The following DOCK2 variants were observed in gnomAD, a reference collection of about 807,000 sequenced individuals.
DOCK2 encodes dedicator of cytokinesis 2, also known as dedicator of cytokinesis protein 2.
DOCK2 carries 87 observed loss-of-function variants against 248.9 expected under a neutral mutation model. The observed-to-expected ratio is 0.35, with a 90% CI of 0.29 to 0.42. The LOEUF (loss-of-function observed/expected upper bound fraction) is 0.42, where lower values mean the gene tolerates loss of function less well. Among genes scored for constraint, DOCK2 ranks in the 10% least tolerant of loss-of-function variants. DOCK2 has a pLI of 1.00. For synonymous variants in DOCK2, 805 were observed against 821.6 expected, an observed-to-expected ratio of 0.98 and a Z score of 0.35; for missense variants, 1,747 against 2,300.2, an observed-to-expected ratio of 0.76 and a Z score of 4.92.
intron 27 of DOCK2, among the ~76,000 whole-genome samples, chr5:169,875,042 T>C (rs1772232299): frequency 6.6e-6 from 1 of 152,054 alleles, no homozygotes; most frequent in South Asian, 2.1e-4. Flanking sequence ...AGCAGAAAGG[T>C]AATTCATCTT....
chr5:170,076,196 G>C (rs1757833621), intron 47 of DOCK2, 112 bp downstream of exon 47: 1 of 1,442,636 alleles, frequency 6.9e-7, no homozygotes, highest in Non-Finnish European at 9.3e-7. Flanking sequence ...CTTCCAAAGA[G>C]AAGATAATGA....
intron 46 of DOCK2, among the ~76,000 whole-genome samples, chr5:170,071,979 G>A (rs939297663): frequency 7.9e-5 from 12 of 152,162 alleles, no homozygotes; most frequent in Admixed American, 5.9e-4. Context: ...ATAGTAGTCC[G>A]TACAGCTGGC....
At chr5:169,678,534 AT>A (rs1297568719) in intron 6 of DOCK2, among the ~76,000 whole-genome samples, 1 of 152,128 alleles carries the variant, frequency 6.6e-6, no homozygotes, top group Non-Finnish European at 1.5e-5. Context: ...AAGTGCTGGG[AT>A]TACAGTCATA....
intron 38 of DOCK2, among the ~76,000 whole-genome samples, chr5:170,043,752 T>C (rs1756598512): frequency 6.6e-6 from 1 of 152,210 alleles, no homozygotes; most frequent in Admixed American, 6.5e-5. Flanking sequence ...TACTATTTGT[T>C]TATCAGCTGA....
intron 32 of DOCK2, among the ~76,000 whole-genome samples, chr5:170,013,961 G>A (rs1399900995): frequency 6.6e-6 from 1 of 152,098 alleles, no homozygotes; most frequent in Admixed American, 6.5e-5. Flanking sequence ...GGAAATAGCT[G>A]TAGAATGGAA....
rs147466867 is a variant in DOCK2 at position 170,018,719 on chromosome 5, C to T, written c.3233-241C>T. Reference sequence around the variant, plus strand: ...TGTAAACAGTGAAGTGCTTTCTACACGCACGCCCGTGTTATTAGCCTTAAT... The same window carrying T: ...TGTAAACAGTGAAGTGCTTTCTACATGCACGCCCGTGTTATTAGCCTTAAT... On this transcript the variant is annotated intron_variant, in intron 32 of 51. Coordinates refer to ENST00000520908, the MANE Select transcript of DOCK2 (RefSeq NM_004946.3). Among the ~76,000 whole-genome samples, 291 of 152,286 alleles carry T rather than the reference C, an allele frequency of 1.9e-3. 4 individuals carry two copies. Among genetic ancestry groups the T allele is most frequent in the African/African-American group, 6.7e-3 (277 of 41,558 alleles).
chr5:169,824,374 A>G (rs981732150), intron 26 of DOCK2, among the ~76,000 whole-genome samples: 1 of 152,204 alleles, frequency 6.6e-6, no homozygotes, highest in Non-Finnish European at 1.5e-5. Context: ...TTCAAACTAT[A>G]CTACAAGGCT....
intron 26 of DOCK2, among the ~76,000 whole-genome samples, chr5:169,818,394 A>T (rs940471325): frequency 6.6e-6 from 1 of 152,218 alleles, no homozygotes; most frequent in Admixed American, 6.5e-5. Context: ...GATTGAGTTA[A>T]ATTCTAGTTG....
intron 44 of DOCK2, among the ~76,000 whole-genome samples, chr5:170,067,168 A>G (rs1757521184): frequency 6.6e-6 from 1 of 152,188 alleles, no homozygotes; most frequent in Non-Finnish European, 1.5e-5. Flanking sequence ...TAACTCACAC[A>G]TAGTATCTGC....
At chr5:170,054,141 T>C (rs777508517) in intron 41 of DOCK2, among the ~76,000 whole-genome samples, 1 of 152,228 alleles carries the variant, frequency 6.6e-6, no homozygotes, top group Non-Finnish European at 1.5e-5. Context: ...GTAGGATCCA[T>C]TGGATATCCA....
intron 27 of DOCK2, among the ~76,000 whole-genome samples, chr5:169,932,911 T>C (rs1775824024): frequency 1.3e-5 from 2 of 150,554 alleles, no homozygotes; most frequent in African/African-American, 5.0e-5. Flanking sequence ...TCCTGCATCC[T>C]CAAACTGTAG....
At chr5:169,765,925 T>C (rs1202174260) in intron 25 of DOCK2, among the ~76,000 whole-genome samples, 1 of 152,166 alleles carries the variant, frequency 6.6e-6, no homozygotes, top group Non-Finnish European at 1.5e-5. Flanking sequence ...GGGTCCCCCA[T>C]TCACAGTGTA....
intron 22 of DOCK2, among the ~76,000 whole-genome samples, chr5:169,725,466 A>ATGAGCTG (rs1462975221): frequency 6.6e-6 from 1 of 151,806 alleles, no homozygotes; most frequent in African/African-American, 2.4e-5. Context: ...GTGCATATGC[A>ATGAGCTG]TGAGCTGTTT....
intron 27 of DOCK2, among the ~76,000 whole-genome samples, chr5:169,885,300 T>A (rs907497463): frequency 1.3e-5 from 2 of 152,242 alleles, no homozygotes; most frequent in Admixed American, 6.5e-5. Flanking sequence ...ATTCACTGCT[T>A]GAGCATTCCT....
intron 2 of DOCK2, among the ~76,000 whole-genome samples, chr5:169,668,020 C>T (rs753185962): frequency 1.3e-5 from 2 of 152,136 alleles, no homozygotes; most frequent in African/African-American, 2.4e-5. Context: ...ATCATTCCCT[C>T]ATAATATAGG....
intron 34 of DOCK2, among the ~76,000 whole-genome samples, chr5:170,031,934 C>G (rs933503284): frequency 3.3e-5 from 5 of 152,204 alleles, no homozygotes; most frequent in Non-Finnish European, 5.9e-5. Flanking sequence ...CAGGAACCAG[C>G]CCAGATGTGA....
chr5:169,906,937 T>A (rs1204567935), intron 27 of DOCK2, among the ~76,000 whole-genome samples: 1 of 152,146 alleles, frequency 6.6e-6, no homozygotes, highest in Admixed American at 6.6e-5. Context: ...GGAAATACTA[T>A]CATTCAATAA....
intron 27 of DOCK2, among the ~76,000 whole-genome samples, chr5:169,963,931 A>ATGCTGC (rs940680411): frequency 2.2e-4 from 34 of 152,252 alleles, no homozygotes; most frequent in African/African-American, 7.9e-4. Context: ...AAGTTTTCGG[A>ATGCTGC]TGCTGCTGCT....
chr5:170,068,518 A>G (rs1346046717), intron 45 of DOCK2, among the ~76,000 whole-genome samples: 2 of 152,174 alleles, frequency 1.3e-5, no homozygotes, highest in Admixed American at 6.5e-5. Flanking sequence ...CACCTAATCA[A>G]TCCTTCCAAC....
Sources: gnomAD v4.1 joint callset for allele counts (sites outside exome capture counted in the v4.1 genomes callset) on GRCh38, gnomAD v4.1.1 for gene constraint, MANE v1.5 for transcripts, NCBI Gene and HGNC (gene_info 2026-07-23, HGNC 2026-07-21) for gene names.